CREBRF: variants seen among roughly 807,000 people sequenced by gnomAD.
The protein encoded by CREBRF is CREB3 regulatory factor.
A neutral mutation model predicts 66.1 loss-of-function variants in CREBRF; 5 were observed. That is an observed-to-expected ratio of 0.08 (90% CI 0.04 to 0.16). CREBRF has a LOEUF of 0.16. Ranked by LOEUF, CREBRF falls within the 10% of genes least tolerant of loss-of-function variation. The pLI is 1.00. For synonymous variants in CREBRF, 229 were observed against 264.4 expected, an observed-to-expected ratio of 0.87 and a Z score of 1.30; for missense variants, 531 against 744.9, an observed-to-expected ratio of 0.71 and a Z score of 3.34.
At chr5:173,093,110 C>T (rs377295083) in intron 4 of CREBRF, among the ~76,000 whole-genome samples, 3 of 151,890 alleles carry the variant, frequency 2.0e-5, no homozygotes, top group African/African-American at 7.3e-5. Context: ...CTTTGAGTCT[C>T]GTATTTAGGA....
chr5:173,085,097 C>G (rs551972980), intron 2 of CREBRF, among the ~76,000 whole-genome samples: 1 of 152,050 alleles, frequency 6.6e-6, no homozygotes, highest in Non-Finnish European at 1.5e-5. Flanking sequence ...TACGTACCAC[C>G]ACACCTGACT....
chr5:173,105,866 C>T (rs1233992488), intron 4 of CREBRF, among the ~76,000 whole-genome samples: 1 of 151,646 alleles, frequency 6.6e-6, no homozygotes, highest in East Asian at 2.0e-4. Flanking sequence ...GATCCGCCCG[C>T]CTCGGCCTCC....
chr5:173,108,828 G>T lies in CREBRF; in HGVS notation c.1417+10G>T. The T allele has an allele frequency of 1.2e-6, 2 of 1,606,554 alleles. No individual in the cohort carries two copies. Among genetic ancestry groups the T allele is most frequent in the Non-Finnish European group, 1.7e-6 (2 of 1,176,110 alleles). On this transcript the variant is annotated intron_variant, in intron 5 of 8. Coordinates refer to ENST00000296953, the MANE Select transcript of CREBRF (RefSeq NM_153607.3). Reference sequence around the variant, plus strand: ...AATGGCTTACATCATGGTAAGAGGGGATTGCAGTCAGATATTTAGTGTCAC... The same window carrying T: ...AATGGCTTACATCATGGTAAGAGGGTATTGCAGTCAGATATTTAGTGTCAC...
intron 7 of CREBRF, among the ~76,000 whole-genome samples, chr5:173,121,933 C>G (rs1759148080): frequency 6.6e-6 from 1 of 152,094 alleles, no homozygotes; most frequent in African/African-American, 2.4e-5. Flanking sequence ...CAGTCACCAT[C>G]CTAGTGCAAC....
intron 1 of CREBRF, among the ~76,000 whole-genome samples, chr5:173,072,474 C>T (rs1949850885): frequency 6.6e-6 from 1 of 152,062 alleles, no homozygotes; most frequent in African/African-American, 2.4e-5. Context: ...GACGAGGTTT[C>T]ACCGTGTTAG....
chr5:173,132,906 A>G (rs1026675894), intron 8 of CREBRF, among the ~76,000 whole-genome samples: 18 of 151,934 alleles, frequency 1.2e-4, no homozygotes, highest in Non-Finnish European at 2.2e-4. Context: ...AAGTGCTAGG[A>G]TTACAGGCCT....
chr5:173,122,972 C>T (rs1372443917), intron 7 of CREBRF, 108 bp from the exon 8 acceptor site: 5 of 1,061,822 alleles, frequency 4.7e-6, no homozygotes, highest in Non-Finnish European at 6.7e-6. Flanking sequence ...TGTATATGTG[C>T]CACATTTTCT....
intron 3 of CREBRF, 30 bp downstream of exon 3, chr5:173,086,656 G>T (rs1758158135): frequency 6.3e-7 from 1 of 1,578,234 alleles, no homozygotes; most frequent in South Asian, 1.2e-5. Context: ...TTTTGGTCTT[G>T]ATTGATTTGG....
At chr5:173,126,992 G>A (rs1439939501) in intron 8 of CREBRF, among the ~76,000 whole-genome samples, 1 of 152,104 alleles carries the variant, frequency 6.6e-6, no homozygotes, top group Non-Finnish European at 1.5e-5. Context: ...CTCAAGACCA[G>A]CCTGAACCTG....
At chr5:173,067,856 C>T (rs984132494) in intron 1 of CREBRF, among the ~76,000 whole-genome samples, 1 of 151,946 alleles carries the variant, frequency 6.6e-6, no homozygotes, top group Admixed American at 6.6e-5. Context: ...AAAAATAAGC[C>T]GGGTGTGGTG....
intron 1 of CREBRF, among the ~76,000 whole-genome samples, chr5:173,070,915 T>G (rs1212652185): frequency 6.6e-6 from 1 of 152,170 alleles, no homozygotes; most frequent in Non-Finnish European, 1.5e-5. Context: ...CAGCCATCTC[T>G]TGTGTGGATG....
At chr5:173,071,491 T>C (rs1757598734) in intron 1 of CREBRF, among the ~76,000 whole-genome samples, 2 of 151,994 alleles carry the variant, frequency 1.3e-5, no homozygotes, top group South Asian at 2.1e-4. Context: ...ATTACAGGCA[T>C]GAGCCACCGT....
intron 1 of CREBRF, among the ~76,000 whole-genome samples, chr5:173,058,403 G>A (rs1257725956): frequency 6.6e-6 from 1 of 152,072 alleles, no homozygotes; most frequent in East Asian, 1.9e-4. Flanking sequence ...GCTAATCAGA[G>A]TTAGCTGTAT....
At chr5:173,100,110 GTGTGTGTGTA>G (rs1268441644) in intron 4 of CREBRF, among the ~76,000 whole-genome samples, 1 of 132,752 alleles carries the variant, frequency 7.5e-6, no homozygotes, top group Admixed American at 7.6e-5. Context: ...GTGTGTGTGT[GTGTGTGTGTA>G]TATATATATA....
At chr5:173,115,862 G>T (rs553904638) in intron 7 of CREBRF, among the ~76,000 whole-genome samples, 105 of 152,002 alleles carry the variant, frequency 6.9e-4, no homozygotes, top group African/African-American at 2.4e-3. Context: ...CGCCCGCCTC[G>T]GCCTCCCAAA....
intron 4 of CREBRF, among the ~76,000 whole-genome samples, chr5:173,100,721 C>T (rs1368887515): frequency 6.6e-6 from 1 of 152,206 alleles, no homozygotes; most frequent in Non-Finnish European, 1.5e-5. Flanking sequence ...ACACCGCTCC[C>T]CCCCAACCCA....
chr5:173,131,950 C>G (rs936982167), intron 8 of CREBRF, among the ~76,000 whole-genome samples: 1 of 151,500 alleles, frequency 6.6e-6, no homozygotes, highest in Non-Finnish European at 1.5e-5. Context: ...CCAGGCTGGT[C>G]TCAAACTCCT....
rs1758853237 is a variant in CREBRF at position 173,110,805 on chromosome 5, T to C, written c.1607+94T>C. 9 of 843,996 alleles carry C rather than the reference T, an allele frequency of 1.1e-5. No homozygotes were observed. In the East Asian group the frequency reaches 2.4e-4, roughly 23 times the overall value. The allele number at this position is 843,996 out of a possible 1,614,324, so 52.3% of individuals were successfully genotyped here. ...TTATAGAAGGACAACAAAGAAATTGTATTTTTCTTGTATAAATACTACAAT... is the reference window on the plus strand; with the variant it reads ...TTATAGAAGGACAACAAAGAAATTGCATTTTTCTTGTATAAATACTACAAT... On this transcript the variant is annotated intron_variant, in intron 6 of 8. Coordinates refer to ENST00000296953, the MANE Select transcript of CREBRF (RefSeq NM_153607.3).
chr5:173,091,277 T>C lies in CREBRF; in HGVS notation c.1098T>C (p.Asp366=). The C allele has an allele frequency of 6.2e-7, 1 of 1,613,706 alleles. No individual in the cohort carries two copies. Among genetic ancestry groups the C allele is most frequent in the East Asian group, 2.2e-5 (1 of 44,844 alleles). Residue 366 remains aspartate, a synonymous_variant, in exon 4 of 9, where the codon GAT becomes GAC. Coordinates refer to ENST00000296953, the MANE Select transcript of CREBRF (RefSeq NM_153607.3). The part of the protein sequence containing the change: ...EDEEDEEDVD[D]EDHDEGFGSE... ...AGGAGGACGAGGAGGATGTTGATGA[T>C]GAGGACCATGATGAAGGATTCGGCA... is the stretch of plus-strand genomic sequence containing the variant.
Sources: allele counts gnomAD v4.1 joint callset (sites outside exome capture counted in the v4.1 genomes callset), GRCh38; gene constraint gnomAD v4.1.1; transcripts MANE v1.5; gene names NCBI Gene and HGNC (gene_info 2026-07-23, HGNC 2026-07-21).